MYO1H: variants seen among roughly 807,000 people sequenced by gnomAD.
MYO1H encodes the protein unconventional myosin-Ih.
MYO1H carries 118 observed loss-of-function variants against 149.3 expected under a neutral mutation model. The ratio of observed to expected loss-of-function variants is 0.79; its 90% CI spans 0.68 to 0.92. MYO1H has a LOEUF of 0.92. Among genes scored for constraint, MYO1H ranks in the 40% least tolerant of loss-of-function variants. MYO1H has a pLI of 0.00. For missense variants in MYO1H, 1,212 were observed against 1,280.7 expected (o/e 0.95, Z 0.82); for synonymous variants, 447 against 465.2 (o/e 0.96, Z 0.50).
At chr12:109,346,515 C>T (rs2048103027), upstream of MYO1H, among the ~76,000 whole-genome samples, 1 of 152,192 alleles carries the variant, frequency 6.6e-6, no homozygotes, top group South Asian at 2.1e-4. Context: ...AATTCCAGCA[C>T]TTTGGGAGGC....
the MYO1H span, among the ~76,000 whole-genome samples, chr12:109,319,244 A>C: frequency 2.6e-5 from 4 of 152,134 alleles, no homozygotes; most frequent in African/African-American, 9.7e-5. Flanking sequence ...TGGAATATTC[A>C]GTCTTAACAA....
At position 109,427,948 on chromosome 12, in the gene MYO1H, T is replaced by A. The variant is rs187072155; in HGVS notation, c.1949+362T>A. ...TATATATATATATATTAGATGGGTG[T>A]GGTGGTACACACCTGTAGTCCCAGC... On this transcript the variant is annotated intron_variant, in intron 19 of 31. Transcript: ENST00000310903. 1.7e-3 allele frequency among the ~76,000 whole-genome samples: 173 copies of A among 100,168 alleles called. 3 individuals carry two copies. Among genetic ancestry groups the A allele is most frequent in the African/African-American group, 6.1e-3 (165 of 27,176 alleles). The allele number at this position is 100,168 out of a possible 152,430, so 65.7% of individuals were successfully genotyped here.
At chr12:109,423,105 AT>A (rs1033541003) in intron 16 of MYO1H, among the ~76,000 whole-genome samples, 9 of 151,832 alleles carry the variant, frequency 5.9e-5, no homozygotes, top group Non-Finnish European at 1.2e-4. Context: ...AGAAAAAAAA[AT>A]TTTTTTGAGA....
intron 21 of MYO1H, 51 bp downstream of exon 21, chr12:109,435,164 T>G (rs771620744): frequency 3.7e-5 from 47 of 1,284,470 alleles, no homozygotes; most frequent in Non-Finnish European, 2.9e-5. Flanking sequence ...AATGAACAAG[T>G]GGAGCTTGGG....
intron 26 of MYO1H, 126 bp downstream of exon 26, chr12:109,441,834 C>G (rs1325521537): frequency 1.3e-5 from 8 of 625,360 alleles, no homozygotes; most frequent in Non-Finnish European, 2.2e-5. Context: ...ATTGCCTGAG[C>G]TCAGGAGTTC....
chr12:109,441,710 T>A lies in MYO1H; in HGVS notation c.2632+2T>A, dbSNP rs1309854548. 3 of 1,602,858 alleles carry A rather than the reference T, an allele frequency of 1.9e-6. No homozygotes were observed. The African/African-American group carries it at 4.0e-5, about 22-fold the overall frequency. On this transcript the variant is annotated splice_donor_variant, in intron 26 of 31. Transcript: ENST00000310903. LOFTEE classifies it high-confidence loss of function. Reference sequence around the variant, plus strand: ...AACCCTTTGTCAACAGTCGGATAGGTAAGTACATTTTCCAGCCTATGTACT... The same window carrying A: ...AACCCTTTGTCAACAGTCGGATAGGAAAGTACATTTTCCAGCCTATGTACT...
chr12:109,341,878 G>A, the MYO1H span, among the ~76,000 whole-genome samples: 1 of 152,052 alleles, frequency 6.6e-6, no homozygotes, highest in African/African-American at 2.4e-5. Context: ...TCCTGGACTG[G>A]TTACTGTAGA....
intron 24 of MYO1H, 44 bp from the exon 25 acceptor site, chr12:109,440,700 G>A: frequency 7.1e-7 from 1 of 1,409,050 alleles, no homozygotes; most frequent in African/African-American, 1.4e-5. Context: ...GCCCCAGACA[G>A]GGAGTGAGTG....
At chr12:109,393,286 T>C (rs1869738629) in intron 2 of MYO1H, 45 bp from the exon 3 acceptor site, 3 of 1,209,304 alleles carry the variant, frequency 2.5e-6, no homozygotes, top group African/African-American at 1.5e-5. Context: ...TGACAGTCTT[T>C]TGCACCCCAG....
chr12:109,413,040 G>A (rs1343358625), intron 14 of MYO1H, among the ~76,000 whole-genome samples: 2 of 152,006 alleles, frequency 1.3e-5, no homozygotes, highest in African/African-American at 4.8e-5. Context: ...GTAGTAGGGC[G>A]ATCTCGGCTC....
intron 22 of MYO1H, among the ~76,000 whole-genome samples, chr12:109,437,104 C>A (rs546294856): frequency 6.6e-6 from 1 of 151,304 alleles, no homozygotes; most frequent in Non-Finnish European, 1.5e-5. Flanking sequence ...GACCCTGTCT[C>A]AAAAAAAATA....
chr12:109,344,713 C>T (rs1317730040), upstream of MYO1H, among the ~76,000 whole-genome samples: 2 of 152,152 alleles, frequency 1.3e-5, no homozygotes, highest in African/African-American at 4.8e-5. Context: ...GGATGTTTTA[C>T]ATTTCCTGAT....
intron 1 of MYO1H, among the ~76,000 whole-genome samples, chr12:109,358,846 T>TAAAAAAAAAAAAAAAAA (rs541289093): frequency 1.2e-5 from 1 of 84,558 alleles, no homozygotes; most frequent in African/African-American, 5.6e-5. Flanking sequence ...CCTGTGGTGT[T>TAAAAAAAAAAAAAAAAA]AAAAAAAAAA....
chr12:109,446,917 G>C lies in MYO1H; in HGVS notation c.3094-242G>C. The C allele has an allele frequency of 5.1e-6, 3 of 590,676 alleles. No individual in the cohort carries two copies. The South Asian group carries it at 6.2e-5, about 12-fold the overall frequency. The allele number at this position is 590,676 out of a possible 1,614,324, so 36.6% of individuals were successfully genotyped here. A position where few individuals can be genotyped will look rare whatever the true frequency, so the allele number is the denominator to read the frequency against. ...TCTTAAAAGTGACACCCCAGAGACT[G>C]TGTCTCTCTCCTCTGGAGTCACACG... On this transcript the variant is annotated intron_variant, in intron 31 of 31. Transcript: ENST00000310903.
chr12:109,434,282 T>C (rs1441512191), intron 20 of MYO1H, among the ~76,000 whole-genome samples: 1 of 152,132 alleles, frequency 6.6e-6, no homozygotes, highest in Non-Finnish European at 1.5e-5. Flanking sequence ...AGTGCTGGGA[T>C]TGCAGGCGTG....
At chr12:109,338,872 A>G in the MYO1H span, among the ~76,000 whole-genome samples, 2 of 151,744 alleles carry the variant, frequency 1.3e-5, no homozygotes, top group Admixed American at 6.6e-5. Context: ...CTGACCCTAC[A>G]TCCTGCCCTT....
chr12:109,385,045 T>C (rs1869274055), intron 1 of MYO1H, among the ~76,000 whole-genome samples: 1 of 152,184 alleles, frequency 6.6e-6, no homozygotes, highest in Admixed American at 6.5e-5. Context: ...CCTGGCAGGG[T>C]TCCATGTGCT....
intron 1 of MYO1H, among the ~76,000 whole-genome samples, chr12:109,384,993 C>T (rs1869272296): frequency 6.6e-6 from 1 of 152,186 alleles, no homozygotes; most frequent in Non-Finnish European, 1.5e-5. Context: ...ATTATTGATA[C>T]TAATGATGAC....
At chr12:109,413,668 G>A (rs1870770510) in intron 14 of MYO1H, among the ~76,000 whole-genome samples, 2 of 152,178 alleles carry the variant, frequency 1.3e-5, no homozygotes, top group Non-Finnish European at 2.9e-5. Flanking sequence ...CCAGCACTTT[G>A]AGAGGCCGAG....
Sources: gnomAD v4.1 joint callset for allele counts (sites outside exome capture counted in the v4.1 genomes callset) on GRCh38, gnomAD v4.1.1 for gene constraint, MANE v1.5 for transcripts, NCBI Gene and HGNC (gene_info 2026-07-23, HGNC 2026-07-21) for gene names.